NALF1: variants seen among roughly 807,000 people sequenced by gnomAD.
NALF1 encodes the protein NALCN channel auxiliary factor 1, also known as family with sequence similarity 155 member A.
Under a neutral mutation model 48.4 loss-of-function variants are expected in NALF1, and 3 were observed. The ratio of observed to expected loss-of-function variants is 0.06; its 90% CI spans 0.03 to 0.16. The LOEUF is 0.16. Ranked by LOEUF, NALF1 falls within the 10% of genes least tolerant of loss-of-function variation. NALF1 has a pLI of 1.00. For missense variants in NALF1, 526 were observed against 571.5 expected, an observed-to-expected ratio of 0.92 and a Z score of 0.81; for synonymous variants, 262 against 245.7, an observed-to-expected ratio of 1.07 and a Z score of -0.62.
intron 1 of NALF1, among the ~76,000 whole-genome samples, chr13:107,513,081 A>T (rs879309231): frequency 1.3e-5 from 2 of 152,250 alleles, no homozygotes; most frequent in Non-Finnish European, 2.9e-5. Context: ...TTTCAAAATA[A>T]GCATTCAAAA....
Position 107,432,591 on chromosome 13 carries a change from G to C in NALF1, c.916-221836C>G, listed in dbSNP as rs1025181521. On this transcript the variant is annotated intron_variant, in intron 1 of 2. Transcript: ENST00000375915. ...GAAGTAGAATGTCTGCTACGAATGA[G>C]TGACTGTGAGGAAGTCAGGTGTCCA... is the stretch of plus-strand genomic sequence containing the variant. Among the ~76,000 whole-genome samples the C allele has an allele frequency of 2.0e-5, 3 of 152,234 alleles. No homozygotes were observed. In the South Asian group the frequency reaches 6.2e-4, roughly 32 times the overall value.
chr13:107,343,414 C>T (rs954968556), intron 1 of NALF1, among the ~76,000 whole-genome samples: 11 of 152,164 alleles, frequency 7.2e-5, no homozygotes, highest in Non-Finnish European at 1.3e-4. Context: ...CTTTCCCATG[C>T]TGCTCTCATG....
intron 1 of NALF1, among the ~76,000 whole-genome samples, chr13:107,261,808 A>G (rs1880932595): frequency 6.6e-6 from 1 of 152,176 alleles, no homozygotes; most frequent in African/African-American, 2.4e-5. Flanking sequence ...GAGCAAATAA[A>G]TCACTAATTT....
intron 1 of NALF1, among the ~76,000 whole-genome samples, chr13:107,801,626 T>C (rs1878615313): frequency 1.3e-5 from 2 of 152,192 alleles, no homozygotes; most frequent in African/African-American, 2.4e-5. Flanking sequence ...TGCAGAAAAT[T>C]AGAATCCTGT....
intron 1 of NALF1, among the ~76,000 whole-genome samples, chr13:107,474,318 C>T (rs1224027099): frequency 2.0e-5 from 3 of 152,142 alleles, no homozygotes. Flanking sequence ...CAAGATAGAA[C>T]TATATTTCAT....
At chr13:107,633,860 ATGTG>A (rs1879902188) in intron 1 of NALF1, among the ~76,000 whole-genome samples, 1 of 143,690 alleles carries the variant, frequency 7.0e-6, no homozygotes, top group Admixed American at 7.3e-5. Context: ...GCTCACATAT[ATGTG>A]TGTGTATGTG....
intron 1 of NALF1, among the ~76,000 whole-genome samples, chr13:107,314,900 G>A (rs905483550): frequency 6.6e-6 from 1 of 152,120 alleles, no homozygotes; most frequent in African/African-American, 2.4e-5. Flanking sequence ...AAGCCATAAA[G>A]TTGTCATCTG....
chr13:107,549,420 C>T (rs1877227307), intron 1 of NALF1, among the ~76,000 whole-genome samples: 1 of 152,152 alleles, frequency 6.6e-6, no homozygotes, highest in Non-Finnish European at 1.5e-5. Flanking sequence ...TTAGGTTTCA[C>T]ATCAGGTGAG....
intron 1 of NALF1, among the ~76,000 whole-genome samples, chr13:107,760,543 CT>C (rs757293765): frequency 3.9e-5 from 6 of 152,158 alleles, no homozygotes; most frequent in Non-Finnish European, 8.8e-5. Flanking sequence ...ATTGCTAGTT[CT>C]TAAGTGGACC....
chr13:107,765,364 T>C (rs1594251842), intron 1 of NALF1, among the ~76,000 whole-genome samples: 1 of 152,296 alleles, frequency 6.6e-6, no homozygotes, highest in East Asian at 1.9e-4. Context: ...AATTTTCTCC[T>C]TAAAATATTT....
At chr13:107,182,976 T>A (rs1879098254) in intron 2 of NALF1, among the ~76,000 whole-genome samples, 1 of 152,206 alleles carries the variant, frequency 6.6e-6, no homozygotes, top group Non-Finnish European at 1.5e-5. Context: ...AGGGCAGAGT[T>A]ATTTTTGCTC....
At chr13:107,754,661 G>A (rs1244437568) in intron 1 of NALF1, among the ~76,000 whole-genome samples, 1 of 152,124 alleles carries the variant, frequency 6.6e-6, no homozygotes, top group South Asian at 2.1e-4. Context: ...AGGAAGTAGA[G>A]AGCATTTCGG....
chr13:107,810,486 C>G (rs1003402381), intron 1 of NALF1, among the ~76,000 whole-genome samples: 2 of 152,090 alleles, frequency 1.3e-5, no homozygotes, highest in African/African-American at 4.8e-5. Flanking sequence ...AGCCCTAAGT[C>G]TATACATTTC....
chr13:107,538,054 T>C (rs1231607053), intron 1 of NALF1, among the ~76,000 whole-genome samples: 1 of 152,014 alleles, frequency 6.6e-6, no homozygotes, highest in Non-Finnish European at 1.5e-5. Context: ...CAACAAATTC[T>C]TCAAACTTTC....
chr13:107,255,657 G>A (rs1452248393), intron 1 of NALF1, among the ~76,000 whole-genome samples: 1 of 152,130 alleles, frequency 6.6e-6, no homozygotes, highest in Non-Finnish European at 1.5e-5. Context: ...CATATACCAA[G>A]TATATACATT....
chr13:107,737,341 T>C (rs887403998), intron 1 of NALF1, among the ~76,000 whole-genome samples: 1 of 152,214 alleles, frequency 6.6e-6, no homozygotes, highest in African/African-American at 2.4e-5. Flanking sequence ...TAAGCCAAAT[T>C]ATTTTAAATA....
At chr13:107,561,742 T>C (rs373779041) in intron 1 of NALF1, among the ~76,000 whole-genome samples, 14 of 152,350 alleles carry the variant, frequency 9.2e-5, no homozygotes, top group African/African-American at 3.1e-4. Flanking sequence ...ATAATGATTA[T>C]TTCATCTTCC....
At chr13:107,555,032 T>C (rs893153393) in intron 1 of NALF1, among the ~76,000 whole-genome samples, 1 of 152,132 alleles carries the variant, frequency 6.6e-6, no homozygotes, top group South Asian at 2.1e-4. Context: ...AAAGGCAAGG[T>C]TGTGCCGTAA....
intron 1 of NALF1, among the ~76,000 whole-genome samples, chr13:107,426,317 T>C (rs953396667): frequency 3.9e-5 from 6 of 152,226 alleles, no homozygotes; most frequent in African/African-American, 1.4e-4. Flanking sequence ...TTCCTTCCTA[T>C]ACTTACTTAA....
Sources: allele counts gnomAD v4.1 joint callset (sites outside exome capture counted in the v4.1 genomes callset), GRCh38; gene constraint gnomAD v4.1.1; transcripts MANE v1.5; gene names NCBI Gene and HGNC (gene_info 2026-07-23, HGNC 2026-07-21).